FUZ: variants seen among roughly 807,000 people sequenced by gnomAD.
FUZ encodes protein fuzzy homolog.
FUZ carries 31 observed loss-of-function variants against 43.1 expected under a neutral mutation model. The ratio of observed to expected loss-of-function variants is 0.72; its 90% CI spans 0.54 to 0.97. The LOEUF is 0.97. FUZ is among the 50% of genes least tolerant of loss of function. The pLI is 0.00. For missense variants in FUZ, 539 were observed against 543.8 expected (o/e 0.99, Z 0.09); for synonymous variants, 274 against 250.0 (o/e 1.10, Z -0.91).
In FUZ at chr19:49,808,473, T is replaced by C; in HGVS notation, c.974A>G (p.Gln325Arg). Residue 325 changes from glutamine to arginine, a missense_variant, in exon 10 of 11, where the codon CAG (glutamine) becomes CGG (arginine). By Grantham distance (43) the Gln-to-Arg change is conservative. Transcript: ENST00000313777. ...GAAGTTTCGGAGGAGGCGCCGGCGC[T>C]GTTCTGGTGAAGGCTCTGCTGGGAG... ...PLGDKEPSPE[Q>R]RRRLLRNFYT... The C allele has an allele frequency of 6.2e-7, 1 of 1,612,300 alleles. No individual in the cohort carries two copies. Among genetic ancestry groups the C allele is most frequent in the Non-Finnish European group, 8.5e-7 (1 of 1,179,514 alleles).
Position 49,808,591 on chromosome 19 carries a change from T to A in FUZ, c.941A>T (p.Glu314Val), listed in dbSNP as rs749952267. ...TCAGTCACCTTTATCCCCCAAGGGC[T>A]CCACGGTGAAGAGGCAGCGCTTCAG... ...LELKRCLFTVEPLGDKEPSPE... is the reference protein window; with the variant it reads ...LELKRCLFTVVPLGDKEPSPE... Residue 314 changes from glutamate to valine, a missense_variant, in exon 9 of 11, where the codon GAG becomes GTG. Glu to Val is a moderately radical substitution (Grantham distance 121). Transcript: ENST00000313777. 1 of 1,612,284 alleles carries A rather than the reference T, an allele frequency of 6.2e-7. No individual in the cohort carries two copies. The highest frequency in any genetic ancestry group is 1.7e-4 in the Middle Eastern group (1 of 6,060).
Position 49,806,884 on chromosome 19 carries a change from C to T in FUZ, c.*267G>A, listed in dbSNP as rs967060167. 2.6e-6 allele frequency: 4 copies of T among 1,554,806 alleles called. No homozygotes were observed. The African/African-American group carries it at 4.1e-5, about 16-fold the overall frequency. The stretch of plus-strand genomic sequence containing the variant: ...ACCAGGGTTTGGGGGATGCCTGGGA[C>T]TTTCCTCCGGCCTTTTGTATTTTTA... On this transcript the variant is annotated 3_prime_UTR_variant, in exon 11 of 11. Transcript: ENST00000313777.
At position 49,811,713 on chromosome 19, in the gene FUZ, A is replaced by G. The variant is rs778023454; in HGVS notation, c.319-14T>C. On this transcript the variant is annotated splice_polypyrimidine_tract_variant and intron_variant, in intron 3 of 10. Coordinates refer to ENST00000313777, the MANE Select transcript of FUZ (RefSeq NM_025129.5). ...CACAAGAAGGACCTAGAAGAATCATATAGGAGAGGATGGGCGAGGGGCTGG... is the reference window on the plus strand; with the variant it reads ...CACAAGAAGGACCTAGAAGAATCATGTAGGAGAGGATGGGCGAGGGGCTGG... 3 of 1,605,744 alleles carry G rather than the reference A, an allele frequency of 1.9e-6. No homozygotes were observed. Among genetic ancestry groups the G allele is most frequent in the African/African-American group, 2.7e-5 (2 of 74,724 alleles).
chr19:49,809,154 C>T lies in FUZ; in HGVS notation c.786+9G>A, dbSNP rs562910501. On this transcript the variant is annotated intron_variant, in intron 7 of 10. Coordinates refer to ENST00000313777, the MANE Select transcript of FUZ (RefSeq NM_025129.5). The surrounding 1 kb of genome is among the most constrained non-coding windows in gnomAD (Gnocchi z 5.1). ...CTAAGAGCGAAAGCGGGACGTGGCG[C>T]GGGTTCACCTGTGGATACAACTGGC... is the stretch of plus-strand genomic sequence containing the variant. 8 of 1,551,222 alleles carry T rather than the reference C, an allele frequency of 5.2e-6. No homozygotes were observed. The African/African-American group carries it at 9.6e-5, about 19-fold the overall frequency.
Position 49,811,695 on chromosome 19 carries a change from A to G in FUZ, c.323T>C (p.Leu108Pro). 6.2e-7 allele frequency: 1 copy of G among 1,613,592 alleles called. No homozygotes were observed. Among genetic ancestry groups the G allele is most frequent in the Non-Finnish European group, 8.5e-7 (1 of 1,179,472 alleles). Residue 108 changes from leucine (L) to proline (P), a missense_variant, in exon 4 of 11, where the codon CTT becomes CCT. By Grantham distance (98) the Leu-to-Pro change is moderately conservative. Coordinates refer to ENST00000313777, the MANE Select transcript of FUZ (RefSeq NM_025129.5). The part of the protein sequence containing the change: ...LLQMVFGAMV[L>P]LVGLEELTNI... ...GGTCAGTTCTTCAAGTCCCACAAGAAGGACCTAGAAGAATCATATAGGAGA... is the reference window on the plus strand; with the variant it reads ...GGTCAGTTCTTCAAGTCCCACAAGAGGGACCTAGAAGAATCATATAGGAGA...
At chr19:49,810,222 G>C (rs2123815881) in intron 5 of FUZ, among the ~76,000 whole-genome samples, 1 of 152,262 alleles carries the variant, frequency 6.6e-6, no homozygotes, top group African/African-American at 2.4e-5. Flanking sequence ...GGATATAGTA[G>C]GGTTCTTCTG....
chr19:49,807,213 G>C lies in FUZ; in HGVS notation c.1195C>G (p.Pro399Ala). The change falls in exon 11 of 11, where the codon CCC becomes GCC. Residue 399 changes from proline to alanine, a missense_variant. Transcript: ENST00000313777. ...RLLLLLSPQS[P>A]THGLRSLATH... is the part of the protein sequence containing the mutation. The stretch of plus-strand genomic sequence containing the variant: ...GCCAGGCTTCGCAGCCCATGGGTGG[G>C]ACTCTGGGGAGACAGCAGCAGCAGC... The C allele has an allele frequency of 6.2e-7, 1 of 1,613,306 alleles. No individual in the cohort carries two copies. Among genetic ancestry groups the C allele is most frequent in the Non-Finnish European group, 8.5e-7 (1 of 1,179,840 alleles).
At position 49,807,024 on chromosome 19, in the gene FUZ, C is replaced by G. The variant is rs780322518; in HGVS notation, c.*127G>C. 4.1e-5 allele frequency: 60 copies of G among 1,478,200 alleles called. No individual in the cohort carries two copies. Among genetic ancestry groups the G allele is most frequent in the Non-Finnish European group, 5.2e-5 (57 of 1,099,876 alleles). 91.6% of individuals were successfully genotyped at this position (1,478,200 alleles called of 1,614,324 possible). Reference sequence around the variant, plus strand: ...GCCAGGGAAGTGGATGTCTCCTCCCCTCCCACCCCACCCTGTTGTAGCCCC... The same window carrying G: ...GCCAGGGAAGTGGATGTCTCCTCCCGTCCCACCCCACCCTGTTGTAGCCCC... On this transcript the variant is annotated 3_prime_UTR_variant, in exon 11 of 11. Transcript: ENST00000313777.
At chr19:49,807,608 G>C (rs1012602180) in intron 10 of FUZ, among the ~76,000 whole-genome samples, 4 of 152,150 alleles carry the variant, frequency 2.6e-5, no homozygotes, top group Non-Finnish European at 5.9e-5. Flanking sequence ...CATTTTCCTG[G>C]AGAAACTGTG....
rs1356030900 is a variant in FUZ at position 49,807,096 on chromosome 19, A to G, written c.*55T>C. ...GGGCTGTGTATTATTGTGAGCGAAT[A>G]AACAGAGAGACGCTAACAGCCCCAT... is the stretch of plus-strand genomic sequence containing the variant. On this transcript the variant is annotated 3_prime_UTR_variant, in exon 11 of 11. Coordinates refer to ENST00000313777, the MANE Select transcript of FUZ (RefSeq NM_025129.5). 1 of 1,607,554 alleles carries G rather than the reference A, an allele frequency of 6.2e-7. No homozygotes were observed. Among genetic ancestry groups the G allele is most frequent in the East Asian group, 2.2e-5 (1 of 44,654 alleles).
chr19:49,810,580 GAGGC>G lies in FUZ; in HGVS notation c.492+779_492+782del, dbSNP rs544558692. 2.0e-3 allele frequency among the ~76,000 whole-genome samples: 301 copies of G among 151,110 alleles called. 3 individuals are homozygous for G. The highest frequency in any genetic ancestry group is 7.0e-3 in the African/African-American group (289 of 41,090). ...TATAATCCTAGCTACTCGGGAGGTT[GAGGC>G]AGGGGAATCGTTTGAACCCAGGAGG... On this transcript the variant is annotated intron_variant, in intron 5 of 10. Coordinates refer to ENST00000313777, the MANE Select transcript of FUZ (RefSeq NM_025129.5).
At chr19:49,807,569 CCCTCTT>C (rs2073456682) in intron 10 of FUZ, among the ~76,000 whole-genome samples, 195 bp from the exon 11 acceptor site, 1 of 152,176 alleles carries the variant, frequency 6.6e-6, no homozygotes, top group Non-Finnish European at 1.5e-5. Flanking sequence ...ACTCAGCTCA[CCCTCTT>C]CCTCTTTCTC....
chr19:49,809,730 T>G lies in FUZ; in HGVS notation c.493-155A>C. ...ACGTCTCACCCTCTCTGAGCCTGAG[T>G]TCCTTCACTTTCATACGAAGTCACA... On this transcript the variant is annotated intron_variant, in intron 5 of 10. Coordinates refer to ENST00000313777, the MANE Select transcript of FUZ (RefSeq NM_025129.5). This position sits in a 1 kb window ranked among gnomAD's most constrained non-coding sequence, Gnocchi z 5.1. 1.4e-6 allele frequency: 1 copy of G among 706,450 alleles called. No homozygotes were observed. The highest frequency in any genetic ancestry group is 2.4e-6 in the Non-Finnish European group (1 of 410,276). 43.8% of individuals were successfully genotyped at this position (706,450 alleles called of 1,614,324 possible). A position where few individuals can be genotyped will look rare whatever the true frequency, so the allele number is the denominator to read the frequency against.
chr19:49,808,861 A>AGGCGGGGCC (rs1171997956), intron 7 of FUZ, 38 bp from the exon 8 acceptor site: 10 of 1,324,258 alleles, frequency 7.6e-6, no homozygotes, highest in Non-Finnish European at 1.0e-5. Flanking sequence ...CGTCATGGGA[A>AGGCGGGGCC]GGCGGGGCCG....
At chr19:49,812,779 C>T in intron 1 of FUZ, 43 bp from the exon 2 acceptor site, 10 of 1,608,184 alleles carry the variant, frequency 6.2e-6, no homozygotes, top group East Asian at 2.2e-5. Flanking sequence ...ACCCCCCCAT[C>T]CCCTTCCCCC....
chr19:49,808,310 T>C, intron 10 of FUZ, 104 bp downstream of exon 10: 1 of 1,181,412 alleles, frequency 8.5e-7, no homozygotes, highest in Non-Finnish European at 1.2e-6. Flanking sequence ...CAGTGCATAC[T>C]GGGTTCCTCC....
intron 10 of FUZ, 141 bp downstream of exon 10, chr19:49,808,273 C>T (rs2073508934): frequency 3.5e-6 from 3 of 868,036 alleles, no homozygotes; most frequent in Admixed American, 2.0e-5. Flanking sequence ...ATGCTCAGAT[C>T]TCAAGGAAAA....
Position 49,813,140 on chromosome 19 carries a change from C to T in FUZ, c.-34G>A, listed in dbSNP as rs1402076558. The T allele has an allele frequency of 4.7e-6, 7 of 1,505,308 alleles. No individual in the cohort carries two copies. Among genetic ancestry groups the T allele is most frequent in the Non-Finnish European group, 6.3e-6 (7 of 1,105,602 alleles). 93.2% of individuals were successfully genotyped at this position (1,505,308 alleles called of 1,614,324 possible). On this transcript the variant is annotated 5_prime_UTR_variant, in exon 1 of 11. Transcript: ENST00000313777. ...CCCACCGCGGTCCCTCACGTGGGGA[C>T]TGTCAGTGCGGGTCTTGGAGCATGG...
At position 49,806,917 on chromosome 19, in the gene FUZ, T is replaced by C. The variant is rs2073407486; in HGVS notation, c.*234A>G. Reference sequence around the variant, plus strand: ...CGGCCTTTTGTATTTTTATTTTTGTTCATCTGCTGCTGTTTACATTCTGGG... The same window carrying C: ...CGGCCTTTTGTATTTTTATTTTTGTCCATCTGCTGCTGTTTACATTCTGGG... On this transcript the variant is annotated 3_prime_UTR_variant, in exon 11 of 11. Coordinates refer to ENST00000313777, the MANE Select transcript of FUZ (RefSeq NM_025129.5). 6.5e-7 allele frequency: 1 copy of C among 1,535,888 alleles called. No homozygotes were observed. The highest frequency in any genetic ancestry group is 1.4e-5 in the African/African-American group (1 of 72,902).
Sources: allele counts gnomAD v4.1 joint callset (sites outside exome capture counted in the v4.1 genomes callset), GRCh38; gene constraint gnomAD v4.1.1; non-coding constraint Gnocchi (gnomAD v3.1); transcripts MANE v1.5; gene names NCBI Gene and HGNC (gene_info 2026-07-23, HGNC 2026-07-21).